The following KYNU variants were observed in gnomAD, a reference collection of about 807,000 sequenced individuals.
The protein encoded by KYNU is kynureninase.
KYNU carries 54 observed loss-of-function variants against 59.2 expected under a neutral mutation model. The ratio of observed to expected loss-of-function variants is 0.91; its 90% CI spans 0.73 to 1.14. The LOEUF (loss-of-function observed/expected upper bound fraction) is 1.14, where lower values mean the gene tolerates loss of function less well. Ranked by LOEUF, KYNU falls within the 50% of genes most tolerant of loss-of-function variation. KYNU has a pLI of 0.00. For missense variants in KYNU, 567 were observed against 554.4 expected (o/e 1.02, Z -0.23); for synonymous variants, 177 against 192.0 (o/e 0.92, Z 0.65).
chr2:142,952,830 T>C (rs970092654), intron 4 of KYNU, among the ~76,000 whole-genome samples: 1 of 152,192 alleles, frequency 6.6e-6, no homozygotes, highest in African/African-American at 2.4e-5. Context: ...TCTTTTATTT[T>C]CTCCTCACTT....
chr2:142,958,973 T>G (rs1387306538), intron 7 of KYNU, among the ~76,000 whole-genome samples: 2 of 150,106 alleles, frequency 1.3e-5, no homozygotes, highest in Non-Finnish European at 3.0e-5. Flanking sequence ...GACATTCTTT[T>G]CTTTATATAA....
At chr2:142,883,182 ATTTCT>A (rs1681360237) in intron 1 of KYNU, among the ~76,000 whole-genome samples, 4 of 130,254 alleles carry the variant, frequency 3.1e-5, no homozygotes, top group South Asian at 2.4e-4. Context: ...TGGCTCCCAA[ATTTCT>A]TTTTTTTTTT....
intron 3 of KYNU, among the ~76,000 whole-genome samples, chr2:142,920,616 T>G (rs1465161543): frequency 6.6e-6 from 1 of 152,232 alleles, no homozygotes; most frequent in Non-Finnish European, 1.5e-5. Flanking sequence ...CTTGTGATGA[T>G]GGAAAATTTC....
At chr2:142,908,080 G>A (rs1265255986) in intron 2 of KYNU, among the ~76,000 whole-genome samples, 2 of 152,174 alleles carry the variant, frequency 1.3e-5, no homozygotes, top group African/African-American at 4.8e-5. Context: ...TTTGTTTATT[G>A]AGTGTTTGTA....
chr2:143,016,402 T>C (rs1686246399), intron 10 of KYNU, among the ~76,000 whole-genome samples: 1 of 152,250 alleles, frequency 6.6e-6, no homozygotes, highest in Admixed American at 6.5e-5. Context: ...ATGTACACAA[T>C]GCAGGTTGAG....
At chr2:143,025,157 G>A (rs1421357627) in intron 10 of KYNU, among the ~76,000 whole-genome samples, 1 of 151,608 alleles carries the variant, frequency 6.6e-6, no homozygotes, top group South Asian at 2.1e-4. Flanking sequence ...TTTTCCAAAC[G>A]CATGGAATAT....
At position 142,983,166 on chromosome 2, in the gene KYNU, G is replaced by A. The variant is rs983804307; in HGVS notation, c.730-1918G>A. Among the ~76,000 whole-genome samples the A allele has an allele frequency of 2.0e-5, 3 of 151,978 alleles. No homozygotes were observed. The East Asian group carries it at 5.8e-4, about 29-fold the overall frequency. On this transcript the variant is annotated intron_variant, in intron 8 of 13. Transcript: ENST00000264170. ...CATGTTTCTGTGGCAAACTGCAAGG[G>A]GTGAGGAGGGCATGGAGGAGCAGCT...
chr2:142,947,291 A>C, intron 4 of KYNU: 272 of 1,403,696 alleles, frequency 1.9e-4, no homozygotes, highest in Non-Finnish European at 2.4e-4. Context: ...CTTAAAACTC[A>C]CCACTACACA....
rs145201818 is a variant in KYNU at position 143,052,529 on chromosome 2, G to C, written c.*10357G>C. 2 of 152,270 alleles carry C rather than the reference G, an allele frequency of 1.3e-5. No homozygotes were observed. The highest frequency in any genetic ancestry group is 2.4e-5 in the African/African-American group (1 of 41,450). 9.4% of individuals were successfully genotyped at this position (152,270 alleles called of 1,614,324 possible). On this transcript the variant is annotated 3_prime_UTR_variant, in exon 14 of 14. Coordinates refer to ENST00000264170, the MANE Select transcript of KYNU (RefSeq NM_003937.3). ...GGGTCCCTCTGCTGTGTGCAGTCTA[G>C]GGACTTGGTGCCCTGTGTCCCAGCA...
At chr2:143,032,374 A>C (rs1050188347) in intron 11 of KYNU, among the ~76,000 whole-genome samples, 2 of 152,040 alleles carry the variant, frequency 1.3e-5, no homozygotes, top group African/African-American at 4.8e-5. Flanking sequence ...TGAGAACGGC[A>C]TGCAGGAAAC....
At chr2:143,019,228 G>T (rs151313699) in intron 10 of KYNU, among the ~76,000 whole-genome samples, 2 of 151,992 alleles carry the variant, frequency 1.3e-5, no homozygotes, top group African/African-American at 2.4e-5. Context: ...TAGAAAAAAG[G>T]CTTTCAATTT....
rs985345013 is a variant in KYNU, at chr2:143,048,220, T to G, written c.*6048T>G. ...ATTTAGGGATGTGTGTGTGGAGGTG[T>G]ATTGAGTCCGTTTTTTCTTTCTATT... On this transcript the variant is annotated 3_prime_UTR_variant, in exon 14 of 14. Coordinates refer to ENST00000264170, the MANE Select transcript of KYNU (RefSeq NM_003937.3). 8.5e-5 allele frequency: 13 copies of G among 152,156 alleles called. No homozygotes were observed. The highest frequency in any genetic ancestry group is 3.1e-4 in the African/African-American group (13 of 41,430). 9.4% of individuals were successfully genotyped at this position (152,156 alleles called of 1,614,324 possible). A position where few individuals can be genotyped will look rare whatever the true frequency, so the allele number is the denominator to read the frequency against.
intron 12 of KYNU, among the ~76,000 whole-genome samples, chr2:143,034,402 T>C (rs1043117266): frequency 1.3e-5 from 2 of 152,212 alleles, no homozygotes; most frequent in Non-Finnish European, 2.9e-5. Flanking sequence ...AAATTCCTTC[T>C]AATCTAAAAT....
At chr2:142,900,041 A>G (rs1682022395) in intron 2 of KYNU, among the ~76,000 whole-genome samples, 1 of 152,266 alleles carries the variant, frequency 6.6e-6, no homozygotes, top group Non-Finnish European at 1.5e-5. Flanking sequence ...GTTCCAAAGA[A>G]TGGAATCTTG....
intron 4 of KYNU, among the ~76,000 whole-genome samples, chr2:142,950,678 T>C (rs1257147483): frequency 1.3e-5 from 2 of 152,212 alleles, no homozygotes; most frequent in Admixed American, 1.3e-4. Flanking sequence ...CCAAACCATA[T>C]GAAGGCTGTT....
intron 2 of KYNU, among the ~76,000 whole-genome samples, chr2:142,909,923 T>C (rs1417305569): frequency 1.3e-5 from 2 of 152,142 alleles, no homozygotes; most frequent in East Asian, 1.9e-4. Context: ...CCACCAATGA[T>C]GTATAAGTGT....
chr2:142,897,477 TAGAC>T (rs1176712061), intron 2 of KYNU, among the ~76,000 whole-genome samples: 1 of 152,230 alleles, frequency 6.6e-6, no homozygotes, highest in Non-Finnish European at 1.5e-5. Context: ...GTTTTATAAT[TAGAC>T]AGTTGTCACC....
At chr2:142,937,174 G>A (rs950462036) in intron 4 of KYNU, among the ~76,000 whole-genome samples, 3 of 152,032 alleles carry the variant, frequency 2.0e-5, no homozygotes, top group African/African-American at 7.3e-5. Context: ...CTCTCTTCCT[G>A]CTTCTGCTAT....
chr2:142,935,493 G>A (rs184021170), intron 4 of KYNU, among the ~76,000 whole-genome samples: 1 of 152,282 alleles, frequency 6.6e-6, no homozygotes, highest in African/African-American at 2.4e-5. Flanking sequence ...CTGAGCTAGG[G>A]TCCAGATATG....
Sources: gnomAD v4.1 joint callset for allele counts (sites outside exome capture counted in the v4.1 genomes callset) on GRCh38, gnomAD v4.1.1 for gene constraint, MANE v1.5 for transcripts, NCBI Gene and HGNC (gene_info 2026-07-23, HGNC 2026-07-21) for gene names.